Variants in GAB1 observed in about 807,000 individuals in gnomAD.
The protein encoded by GAB1 is GRB2-associated-binding protein 1.
GAB1 carries 19 observed loss-of-function variants against 66.5 expected under a neutral mutation model. The observed-to-expected ratio is 0.29, with a 90% CI of 0.20 to 0.42. GAB1 has a LOEUF of 0.42. Among genes scored for constraint, GAB1 ranks in the 10% least tolerant of loss-of-function variants. The pLI, the probability that GAB1 is intolerant of heterozygous loss-of-function variation, is 1.00. For synonymous variants in GAB1, 294 were observed against 301.4 expected (o/e 0.98, Z 0.25); for missense variants, 732 against 858.5 (o/e 0.85, Z 1.84).
At chr4:143,387,321 G>A (rs1246537534) in intron 1 of GAB1, among the ~76,000 whole-genome samples, 4 of 152,296 alleles carry the variant, frequency 2.6e-5, no homozygotes, top group East Asian at 3.9e-4. Context: ...AATAGAGACA[G>A]GATTTCTCCA....
chr4:143,438,363 C>T lies in GAB1; in HGVS notation c.958C>T (p.Pro320Ser), dbSNP rs1276947706. The change falls in exon 4 of 10, where the codon CCA (proline) becomes TCA (serine). Residue 320 changes from proline (P) to serine (S), a missense_variant. This residue lies in a region of GAB1 where 427 missense variants were observed against 420.6 expected (regional missense o/e 1.02). Coordinates refer to ENST00000262994, the MANE Select transcript of GAB1 (RefSeq NM_002039.4). ...AACACCTGGTAATACTTATCAGATT[C>T]CACGAACATTTCCAGAAGGAACCTT... The part of the protein sequence containing the change: ...PPTPGNTYQI[P>S]RTFPEGTLGQ... The T allele has an allele frequency of 1.1e-5, 17 of 1,613,924 alleles. No homozygotes were observed. The highest frequency in any genetic ancestry group is 1.4e-5 in the Non-Finnish European group (16 of 1,179,996).
At chr4:143,458,209 C>G (rs1392968541) in intron 6 of GAB1, among the ~76,000 whole-genome samples, 3 of 152,056 alleles carry the variant, frequency 2.0e-5, no homozygotes, top group Admixed American at 6.6e-5. Flanking sequence ...AAAAGTAAAA[C>G]ATTAACAGTT....
rs144957579 is a variant in GAB1, at chr4:143,409,674, G to T, written c.73-5803G>T. The stretch of plus-strand genomic sequence containing the variant: ...AGTAATTGATTGTCAGTGGTAGGAA[G>T]GTAGGGTGTGGGGAGGAAAGGGGAA... On this transcript the variant is annotated intron_variant, in intron 1 of 9. Transcript: ENST00000262994. Among the ~76,000 whole-genome samples, 805 of 152,202 alleles carry T rather than the reference G, an allele frequency of 5.3e-3. 10 individuals are homozygous for T. Among genetic ancestry groups the T allele is most frequent in the African/African-American group, 0.018 (764 of 41,546 alleles).
chr4:143,345,388 T>G (rs1024047498), intron 1 of GAB1, among the ~76,000 whole-genome samples: 3 of 152,204 alleles, frequency 2.0e-5, no homozygotes, highest in Admixed American at 6.5e-5. Context: ...AAAAAACAAA[T>G]GGCCACATTG....
At chr4:143,409,384 T>G (rs983602958) in intron 1 of GAB1, among the ~76,000 whole-genome samples, 1 of 143,278 alleles carries the variant, frequency 7.0e-6, no homozygotes, top group South Asian at 2.3e-4. Flanking sequence ...AACTTTGAAC[T>G]TTCCCCCCCC....
At chr4:143,342,437 C>T (rs185051009) in intron 1 of GAB1, among the ~76,000 whole-genome samples, 3 of 150,290 alleles carry the variant, frequency 2.0e-5, no homozygotes, top group East Asian at 2.0e-4. Flanking sequence ...AAACACACAG[C>T]GTTTTTTGAG....
intron 1 of GAB1, among the ~76,000 whole-genome samples, chr4:143,338,042 A>G (rs1728718291): frequency 1.3e-5 from 2 of 152,218 alleles, no homozygotes; most frequent in South Asian, 4.1e-4. Flanking sequence ...GTCCTTTCCC[A>G]GGGAACCAGA....
intron 6 of GAB1, among the ~76,000 whole-genome samples, chr4:143,446,654 T>C (rs1444108413): frequency 6.6e-6 from 1 of 151,282 alleles, no homozygotes. Flanking sequence ...TGCTTCTTTC[T>C]TGTAAATTTG....
At chr4:143,463,139 A>G (rs767439890) in intron 8 of GAB1, among the ~76,000 whole-genome samples, 1 of 152,214 alleles carries the variant, frequency 6.6e-6, no homozygotes, top group Non-Finnish European at 1.5e-5. Flanking sequence ...AGAAAAGAAT[A>G]TGAGAATTAT....
chr4:143,353,592 T>C (rs1729313890), intron 1 of GAB1, among the ~76,000 whole-genome samples: 1 of 103,908 alleles, frequency 9.6e-6, no homozygotes, highest in Non-Finnish European at 2.2e-5. Context: ...AGACAGCTAT[T>C]CTTATTTTTT....
chr4:143,411,408 TGCAAATTTCA>T (rs1332237158), intron 1 of GAB1, among the ~76,000 whole-genome samples: 4 of 152,252 alleles, frequency 2.6e-5, no homozygotes, highest in African/African-American at 9.6e-5. Flanking sequence ...GCAGACATCT[TGCAAATTTCA>T]GCTTCTTCAT....
chr4:143,410,658 C>T (rs1256454813), intron 1 of GAB1, among the ~76,000 whole-genome samples: 1 of 152,166 alleles, frequency 6.6e-6, no homozygotes, highest in Admixed American at 6.5e-5. Flanking sequence ...AAAAACATCT[C>T]TCTTATGTCT....
At chr4:143,339,284 A>G (rs1028005175) in intron 1 of GAB1, among the ~76,000 whole-genome samples, 1 of 152,238 alleles carries the variant, frequency 6.6e-6, no homozygotes, top group African/African-American at 2.4e-5. Context: ...TGGGAGGCCG[A>G]GGCCAGTGGA....
chr4:143,454,977 A>ATTTCCTC (rs2149784777), intron 6 of GAB1, among the ~76,000 whole-genome samples: 1 of 152,092 alleles, frequency 6.6e-6, no homozygotes, highest in East Asian at 1.9e-4. Context: ...TCCTCTAGGA[A>ATTTCCTC]TAGGTTTTAA....
intron 6 of GAB1, among the ~76,000 whole-genome samples, chr4:143,455,979 T>A (rs1735164237): frequency 1.3e-5 from 2 of 152,208 alleles, no homozygotes; most frequent in Non-Finnish European, 2.9e-5. Context: ...TGCCTCCGGT[T>A]AAAGTGTAAC....
At chr4:143,379,155 CAG>C (rs2149674467) in intron 1 of GAB1, among the ~76,000 whole-genome samples, 1 of 152,226 alleles carries the variant, frequency 6.6e-6, no homozygotes, top group African/African-American at 2.4e-5. Flanking sequence ...ATATATGTAA[CAG>C]AGTTATGCAT....
At chr4:143,361,646 A>G (rs1406837342) in intron 1 of GAB1, among the ~76,000 whole-genome samples, 1 of 152,166 alleles carries the variant, frequency 6.6e-6, no homozygotes, top group Non-Finnish European at 1.5e-5. Context: ...CTCCTGGCAC[A>G]TGATCATAGG....
At chr4:143,447,642 C>T (rs907487250) in intron 6 of GAB1, among the ~76,000 whole-genome samples, 1 of 152,110 alleles carries the variant, frequency 6.6e-6, no homozygotes, top group Non-Finnish European at 1.5e-5. Context: ...GATTTTGTGT[C>T]CTGAGACTTT....
chr4:143,395,165 C>T (rs1731381061), intron 1 of GAB1: 1 of 152,178 alleles, frequency 6.6e-6, no homozygotes, highest in African/African-American at 2.4e-5. Flanking sequence ...TTCAGATCAA[C>T]TTGAGTTTTA....
Sources: allele counts gnomAD v4.1 joint callset (sites outside exome capture counted in the v4.1 genomes callset), GRCh38; gene constraint gnomAD v4.1.1; regional missense constraint gnomAD v4.1.1; transcripts MANE v1.5; gene names NCBI Gene and HGNC (gene_info 2026-07-23, HGNC 2026-07-21).